The following KIAA1217 variants were observed in gnomAD, a reference collection of about 807,000 sequenced individuals.
KIAA1217 encodes the protein KIAA1217.
In KIAA1217, 88 loss-of-function variants were observed where a neutral mutation model predicts 163.9. The ratio of observed to expected loss-of-function variants is 0.54; its 90% CI spans 0.45 to 0.64. KIAA1217 has a LOEUF of 0.64. Ranked by LOEUF, KIAA1217 falls within the 30% of genes least tolerant of loss-of-function variation. The pLI is 0.00. For missense variants in KIAA1217, 2,372 were observed against 2,475.0 expected (o/e 0.96, Z 0.88); for synonymous variants, 903 against 923.1 (o/e 0.98, Z 0.39).
intron 4 of KIAA1217, 152 bp downstream of exon 4, chr10:24,433,345 G>A: frequency 1.6e-6 from 1 of 620,252 alleles, no homozygotes; most frequent in Non-Finnish European, 2.8e-6. Context: ...TTTTTGTTTG[G>A]TCCATCATAT....
intron 1 of KIAA1217, among the ~76,000 whole-genome samples, chr10:23,778,043 G>A (rs1835084391): frequency 6.6e-6 from 1 of 152,102 alleles, no homozygotes; most frequent in African/African-American, 2.4e-5. Context: ...CCGGGTTCAA[G>A]TGATTCTCCT....
intron 2 of KIAA1217, among the ~76,000 whole-genome samples, chr10:24,164,624 TTAGA>T (rs1254710291): frequency 1.3e-5 from 2 of 152,182 alleles, no homozygotes; most frequent in South Asian, 2.1e-4. Flanking sequence ...CAGGAGACAC[TTAGA>T]TAGTAGTGGA....
Position 24,235,493 on chromosome 10 carries a change from T to C in KIAA1217, c.354+15584T>C, listed in dbSNP as rs117128651. Among the ~76,000 whole-genome samples, 446 of 152,376 alleles carry C rather than the reference T, an allele frequency of 2.9e-3. 9 individuals are homozygous for C. In the East Asian group the frequency reaches 0.053, roughly 18 times the overall value. ...GTGGTCTTGACTTACGAAATGTATA[T>C]GTGTTGTTTTCTACCTTTTTCATGT... On this transcript the variant is annotated intron_variant, in intron 2 of 20. Coordinates refer to ENST00000376454, the MANE Select transcript of KIAA1217 (RefSeq NM_019590.5).
chr10:23,727,206 A>C (rs6482326), intron 1 of KIAA1217, among the ~76,000 whole-genome samples: 33,428 of 151,262 alleles, frequency 0.22, 3,941 homozygotes, highest in African/African-American at 0.3. Flanking sequence ...TTAGTCAGGA[A>C]GGTCTCGATC....
At chr10:23,894,447 C>T (rs1465846571) in intron 1 of KIAA1217, among the ~76,000 whole-genome samples, 2 of 146,502 alleles carry the variant, frequency 1.4e-5, no homozygotes, top group East Asian at 4.0e-4. Flanking sequence ...TGTGAAGGAC[C>T]TCTTCAAGGA....
intron 1 of KIAA1217, among the ~76,000 whole-genome samples, chr10:23,906,230 A>T (rs1842157837): frequency 6.6e-6 from 1 of 151,884 alleles, no homozygotes; most frequent in Non-Finnish European, 1.5e-5. Flanking sequence ...TTCAGAAGGG[A>T]CATGAACATT....
intron 2 of KIAA1217, among the ~76,000 whole-genome samples, chr10:24,056,399 G>T (rs1729027351): frequency 6.6e-6 from 1 of 152,058 alleles, no homozygotes; most frequent in Non-Finnish European, 1.5e-5. Flanking sequence ...TACCCGCTTT[G>T]CAGTGGGAGA....
intron 2 of KIAA1217, among the ~76,000 whole-genome samples, chr10:24,347,581 G>C (rs975769412): frequency 2.6e-5 from 4 of 152,116 alleles, no homozygotes; most frequent in Non-Finnish European, 4.4e-5. Context: ...TACATCACAA[G>C]TTTTATTTTT....
chr10:24,120,704 A>G (rs936227016), intron 2 of KIAA1217, among the ~76,000 whole-genome samples: 2 of 152,154 alleles, frequency 1.3e-5, no homozygotes, highest in Non-Finnish European at 2.9e-5. Context: ...GTGCCTTATG[A>G]CTTCTTTTCC....
intron 5 of KIAA1217, among the ~76,000 whole-genome samples, chr10:24,470,066 T>G (rs2063338159): frequency 6.6e-6 from 1 of 152,160 alleles, no homozygotes; most frequent in South Asian, 2.1e-4. Flanking sequence ...CGATGTTTGT[T>G]TTGGTTGGTT....
intron 2 of KIAA1217, among the ~76,000 whole-genome samples, chr10:24,265,940 C>G (rs1051539615): frequency 7.2e-5 from 11 of 152,034 alleles, no homozygotes; most frequent in African/African-American, 2.7e-4. Context: ...GAACTACACT[C>G]TAGATTTCCC....
chr10:24,165,458 C>T (rs1340411462), intron 2 of KIAA1217, among the ~76,000 whole-genome samples: 2 of 152,152 alleles, frequency 1.3e-5, no homozygotes, highest in African/African-American at 4.8e-5. Flanking sequence ...AGAGAGGATT[C>T]GCCTAATCCC....
At chr10:24,195,943 G>A (rs1238510303) in intron 2 of KIAA1217, among the ~76,000 whole-genome samples, 1 of 151,944 alleles carries the variant, frequency 6.6e-6, no homozygotes, top group Non-Finnish European at 1.5e-5. Flanking sequence ...ATTCTGGGCA[G>A]CACAGCAAGA....
chr10:24,035,830 G>A (rs1848375777), intron 2 of KIAA1217, among the ~76,000 whole-genome samples: 1 of 152,194 alleles, frequency 6.6e-6, no homozygotes, highest in Admixed American at 6.5e-5. Context: ...TATGCCTTTG[G>A]GATTTGGAAA....
At chr10:24,331,272 A>C (rs2045633170) in intron 2 of KIAA1217, among the ~76,000 whole-genome samples, 1 of 152,188 alleles carries the variant, frequency 6.6e-6, no homozygotes, top group South Asian at 2.1e-4. Flanking sequence ...AGGAAGCAGA[A>C]GAATCAACTA....
intron 2 of KIAA1217, among the ~76,000 whole-genome samples, chr10:24,111,760 C>T (rs1017673725): frequency 1.3e-5 from 2 of 151,896 alleles, no homozygotes; most frequent in African/African-American, 4.8e-5. Context: ...TTTTAGATGG[C>T]TTAGTTTTTT....
At chr10:24,529,996 C>T (rs1007091334) in intron 14 of KIAA1217, among the ~76,000 whole-genome samples, 1 of 151,918 alleles carries the variant, frequency 6.6e-6, no homozygotes, top group Non-Finnish European at 1.5e-5. Context: ...TGGGTTTCAC[C>T]GTGTTGGCCA....
intron 1 of KIAA1217, among the ~76,000 whole-genome samples, chr10:23,720,105 ATGG>A (rs1425958149): frequency 6.6e-6 from 1 of 151,744 alleles, no homozygotes; most frequent in Non-Finnish European, 1.5e-5. Context: ...CTAGATAGAG[ATGG>A]TGGTTACACA....
At chr10:24,250,496 A>G (rs1482478968) in intron 2 of KIAA1217, among the ~76,000 whole-genome samples, 1 of 151,000 alleles carries the variant, frequency 6.6e-6, no homozygotes, top group Non-Finnish European at 1.5e-5. Context: ...GCAGTGGCGC[A>G]ATCTCGGCTC....
Sources: gnomAD v4.1 joint callset for allele counts (sites outside exome capture counted in the v4.1 genomes callset) on GRCh38, gnomAD v4.1.1 for gene constraint, MANE v1.5 for transcripts, NCBI Gene and HGNC (gene_info 2026-07-23, HGNC 2026-07-21) for gene names.